BANK1: variants seen among roughly 807,000 people sequenced by gnomAD.
The protein encoded by BANK1 is B-cell scaffold protein with ankyrin repeats.
A neutral mutation model predicts 94.5 loss-of-function variants in BANK1; 95 were observed. The observed-to-expected ratio is 1.00, with a 90% confidence interval of 0.85 to 1.19. The LOEUF (loss-of-function observed/expected upper bound fraction) is 1.19. Among genes scored for constraint, BANK1 ranks in the 50% most tolerant of loss-of-function variants. The probability of loss-of-function intolerance (pLI) is 0.00; values close to 1 mark genes in which losing one functional copy is unlikely to be tolerated. For missense variants in BANK1, 987 were observed against 932.2 expected (o/e 1.06, Z -0.77); for synonymous variants, 334 against 308.4 (o/e 1.08, Z -0.87).
chr4:101,924,763 G>A (rs910509852), intron 7 of BANK1, among the ~76,000 whole-genome samples: 1 of 151,740 alleles, frequency 6.6e-6, no homozygotes, highest in Non-Finnish European at 1.5e-5. Context: ...TTTGTAAAAT[G>A]AATATAGTGT....
At chr4:102,001,966 T>G (rs1726091510) in intron 7 of BANK1, among the ~76,000 whole-genome samples, 1 of 152,248 alleles carries the variant, frequency 6.6e-6, no homozygotes, top group African/African-American at 2.4e-5. Context: ...TGCTTCATTC[T>G]TGGTTCTCCA....
At chr4:101,912,741 C>A (rs1722705882) in intron 6 of BANK1, among the ~76,000 whole-genome samples, 1 of 151,466 alleles carries the variant, frequency 6.6e-6, no homozygotes, top group Admixed American at 6.6e-5. Flanking sequence ...TTCATTTTGT[C>A]CCTATAATAC....
intron 11 of BANK1, among the ~76,000 whole-genome samples, chr4:102,052,656 T>C (rs1446812145): frequency 1.3e-5 from 2 of 152,290 alleles, no homozygotes; most frequent in East Asian, 3.9e-4. Context: ...TAACAATTCA[T>C]AACTGCTTAA....
chr4:101,863,088 A>C (rs1727940351), intron 4 of BANK1, among the ~76,000 whole-genome samples: 1 of 151,568 alleles, frequency 6.6e-6, no homozygotes. Flanking sequence ...TGTTACTCTG[A>C]AAAGCATTTT....
rs148478122 is a variant in BANK1 at position 101,860,687 on chromosome 4, G to A, written c.625-1839G>A. On this transcript the variant is annotated intron_variant, in intron 3 of 16. Transcript: ENST00000322953. ...CTCAGGTGATCCACCTGCCTCGGCC[G>A]CCCAAAGTGCTGGGATTACAGGCAT... Among the ~76,000 whole-genome samples the A allele has an allele frequency of 6.4e-3, 976 of 152,062 alleles. 11 individuals are homozygous for A. Among genetic ancestry groups the A allele is most frequent in the African/African-American group, 0.021 (890 of 41,500 alleles).
At chr4:101,839,937 A>ATTTTTTTTTTTTTTTTTTTTTTTT (rs70964197) in intron 2 of BANK1, among the ~76,000 whole-genome samples, 1 of 53,090 alleles carries the variant, frequency 1.9e-5, no homozygotes, top group African/African-American at 7.5e-5. Context: ...CAAATATTTA[A>ATTTTTTTTTTTTTTTTTTTTTTTT]TTTTTTTTTT....
chr4:101,794,539 GTCA>G (rs936053708), intron 1 of BANK1, among the ~76,000 whole-genome samples: 1 of 152,034 alleles, frequency 6.6e-6, no homozygotes, highest in African/African-American at 2.4e-5. Context: ...CATTTCATAA[GTCA>G]TCATTTAAAA....
chr4:101,797,176 C>T (rs1002481993), intron 1 of BANK1, among the ~76,000 whole-genome samples: 5 of 152,060 alleles, frequency 3.3e-5, no homozygotes, highest in Non-Finnish European at 7.4e-5. Flanking sequence ...TCTTGCTAAA[C>T]TTCAGTGACA....
At chr4:101,940,748 C>A (rs1317635802) in intron 7 of BANK1, among the ~76,000 whole-genome samples, 2 of 151,780 alleles carry the variant, frequency 1.3e-5, no homozygotes, top group African/African-American at 4.8e-5. Context: ...GAGGACCATT[C>A]TTATCACATC....
intron 5 of BANK1, among the ~76,000 whole-genome samples, chr4:101,872,064 T>C (rs1307393648): frequency 6.6e-6 from 1 of 152,050 alleles, no homozygotes; most frequent in Non-Finnish European, 1.5e-5. Context: ...GAAAGGGTCA[T>C]TGCTTTTCTC....
At chr4:101,870,771 G>A in intron 5 of BANK1, 127 bp downstream of exon 5, 8 of 1,140,512 alleles carry the variant, frequency 7.0e-6, no homozygotes, top group Non-Finnish European at 8.3e-6. Flanking sequence ...CCAATCAATA[G>A]GAAGGGAAGA....
In BANK1 at chr4:101,830,030, G is replaced by A. The variant is rs746808122; in HGVS notation, c.293G>A (p.Cys98Tyr). Residue 98 changes from cysteine to tyrosine, a missense_variant, in exon 2 of 17, where the codon TGT becomes TAT. Coordinates refer to ENST00000322953, the MANE Select transcript of BANK1 (RefSeq NM_017935.5). ...CTTAGAGACCTAACTCCAAAGAAATGTCAGTTTCTGGAAAAGATACTTCAT... is the reference window on the plus strand; with the variant it reads ...CTTAGAGACCTAACTCCAAAGAAATATCAGTTTCTGGAAAAGATACTTCAT... The part of the protein sequence containing the change: ...SLLRDLTPKK[C>Y]QFLEKILHSP... 1 of 1,613,694 alleles carries A rather than the reference G, an allele frequency of 6.2e-7. No homozygotes were observed. The highest frequency in any genetic ancestry group is 8.5e-7 in the Non-Finnish European group (1 of 1,179,820).
intron 2 of BANK1, among the ~76,000 whole-genome samples, chr4:101,846,641 T>C (rs1727257250): frequency 6.6e-6 from 1 of 152,180 alleles, no homozygotes; most frequent in Non-Finnish European, 1.5e-5. Flanking sequence ...ATATCTTACA[T>C]GGCAGCAGGA....
chr4:102,063,556 G>GC (rs1428222501), intron 13 of BANK1, among the ~76,000 whole-genome samples: 1 of 151,860 alleles, frequency 6.6e-6, no homozygotes, highest in African/African-American at 2.4e-5. Context: ...AGGCATGATG[G>GC]CCCCCACCTG....
intron 2 of BANK1, among the ~76,000 whole-genome samples, chr4:101,852,468 G>T: frequency 7.7e-5 from 5 of 64,852 alleles, no homozygotes; most frequent in Non-Finnish European, 8.3e-5. Flanking sequence ...AATATTTTTC[G>T]GCTATATATA....
At chr4:101,876,631 T>A (rs1329285739) in intron 5 of BANK1, among the ~76,000 whole-genome samples, 1 of 152,138 alleles carries the variant, frequency 6.6e-6, no homozygotes, top group Non-Finnish European at 1.5e-5. Context: ...AACTCTTCAA[T>A]GCCCAGACAT....
Position 102,030,034 on chromosome 4 carries a change from G to C in BANK1, c.1669G>C (p.Glu557Gln). The C allele has an allele frequency of 1.9e-6, 3 of 1,613,852 alleles. No homozygotes were observed. Among genetic ancestry groups the C allele is most frequent in the Non-Finnish European group, 2.5e-6 (3 of 1,179,886 alleles). ...TGGTGTTAGACAAGAAACAGGAGAT[G>C]AACCCAAAGGAGAAAAAGAGAAGAA... ...HPGVRQETGD[E>Q]PKGEKEKKEE... is the part of the protein sequence containing the mutation. The change falls in exon 10 of 17, where the codon GAA (glutamate) becomes CAA (glutamine). Residue 557 changes from glutamate (E) to glutamine (Q), a missense_variant. Transcript: ENST00000322953.
chr4:101,857,482 C>T lies in BANK1; in HGVS notation c.624+2293C>T, dbSNP rs147762485. 5.2e-3 allele frequency among the ~76,000 whole-genome samples: 788 copies of T among 152,232 alleles called. 32 individuals carry two copies. The highest frequency in any genetic ancestry group is 1.0e-3 in the Non-Finnish European group (70 of 68,022). ...TGGACCTGCCTCCTAGAGAAATTCT[C>T]TTCTTTCTGCCCTCATCTGCTCTGC... On this transcript the variant is annotated intron_variant, in intron 3 of 16. Coordinates refer to ENST00000322953, the MANE Select transcript of BANK1 (RefSeq NM_017935.5).
intron 7 of BANK1, among the ~76,000 whole-genome samples, chr4:102,008,853 C>A (rs1296937060): frequency 1.3e-5 from 2 of 152,102 alleles, no homozygotes; most frequent in Non-Finnish European, 2.9e-5. Context: ...GTATCCAAGC[C>A]AGATGTCAAA....
Sources: allele counts gnomAD v4.1 joint callset (sites outside exome capture counted in the v4.1 genomes callset), GRCh38; gene constraint gnomAD v4.1.1; transcripts MANE v1.5; gene names NCBI Gene and HGNC (gene_info 2026-07-23, HGNC 2026-07-21).